Variants in SLC5A10 observed in about 807,000 individuals in gnomAD.
SLC5A10 encodes the protein solute carrier family 5 member 10, also known as sodium/mannose cotransporter SLC5A10.
SLC5A10 carries 55 observed loss-of-function variants against 68.9 expected under a neutral mutation model. That is an observed-to-expected ratio of 0.80 (90% CI 0.64 to 1.00). The LOEUF (loss-of-function observed/expected upper bound fraction) is 1.00, where lower values mean the gene tolerates loss of function less well. Among genes scored for constraint, SLC5A10 ranks in the 50% least tolerant of loss-of-function variants. The pLI is 0.00. For missense variants in SLC5A10, 732 were observed against 819.3 expected, an observed-to-expected ratio of 0.89 and a Z score of 1.30; for synonymous variants, 344 against 344.8, an observed-to-expected ratio of 1.00 and a Z score of 0.02.
intron 1 of SLC5A10, among the ~76,000 whole-genome samples, chr17:18,956,443 CTGTTT>C (rs1237294961): frequency 7.4e-6 from 1 of 134,388 alleles, no homozygotes; most frequent in Non-Finnish European, 1.6e-5. Context: ...TCAAATTCTT[CTGTTT>C]TTTCTTTTTT....
At chr17:18,966,266 TG>T (rs1326127568) in intron 5 of SLC5A10, among the ~76,000 whole-genome samples, 1 of 152,102 alleles carries the variant, frequency 6.6e-6, no homozygotes, top group Non-Finnish European at 1.5e-5. Flanking sequence ...GCTGCTGAGC[TG>T]GGGGTGGACC....
At chr17:18,999,490 C>T (rs1160946081) in intron 9 of SLC5A10, among the ~76,000 whole-genome samples, 1 of 152,122 alleles carries the variant, frequency 6.6e-6, no homozygotes, top group Non-Finnish European at 1.5e-5. Context: ...AGTTATTTGC[C>T]ATCTCCGAGC....
rs187116335 is a variant in SLC5A10 at position 18,971,695 on chromosome 17, G to T, written c.846+477G>T. ...GGTACCTAGGGGGTCCTGGGAAGCCGTCTTTATCCCTAGTCCCTGAGGCAG... is the reference window on the plus strand; with the variant it reads ...GGTACCTAGGGGGTCCTGGGAAGCCTTCTTTATCCCTAGTCCCTGAGGCAG... On this transcript the variant is annotated intron_variant, in intron 8 of 14. Transcript: ENST00000395645. The surrounding 1 kb of genome is among the most constrained non-coding windows in gnomAD (Gnocchi z 5.5). 4 of 1,605,468 alleles carry T rather than the reference G, an allele frequency of 2.5e-6. No individual in the cohort carries two copies. The East Asian group carries it at 9.0e-5, about 36-fold the overall frequency.
At position 19,021,613 on chromosome 17, in the gene SLC5A10, A is replaced by G; in HGVS notation, c.*1182A>G. 1 of 390,002 alleles carries G rather than the reference A, an allele frequency of 2.6e-6. No individual in the cohort carries two copies. The highest frequency in any genetic ancestry group is 4.5e-6 in the Non-Finnish European group (1 of 220,966). The allele number at this position is 390,002 out of a possible 1,614,324, so 24.2% of individuals were successfully genotyped here. A position where few individuals can be genotyped will look rare whatever the true frequency, so the allele number is the denominator to read the frequency against. Reference sequence around the variant, plus strand: ...CCAGGGTTCCTTAGGTTGAGCCTCCAGTGGGTGAAACCTGGGAGTCCTCAA... The same window carrying G: ...CCAGGGTTCCTTAGGTTGAGCCTCCGGTGGGTGAAACCTGGGAGTCCTCAA... On this transcript the variant is annotated 3_prime_UTR_variant, in exon 15 of 15. Transcript: ENST00000395645. The surrounding 1 kb of genome is among the most constrained non-coding windows in gnomAD (Gnocchi z 4.1).
chr17:18,958,890 G>C, intron 2 of SLC5A10, 137 bp downstream of exon 2: 1 of 1,025,030 alleles, frequency 9.8e-7, no homozygotes, highest in South Asian at 1.5e-5. Context: ...AGGTCCCCAA[G>C]TGAGGGGCAT....
At chr17:18,959,792 C>T (rs2074276) in intron 4 of SLC5A10, 129 bp downstream of exon 4, 329,106 of 748,540 alleles carry the variant, frequency 0.44, 73,348 homozygotes, top group East Asian at 0.51. Flanking sequence ...TTGCTATTAG[C>T]CCGACTAATA....
chr17:18,995,785 A>G (rs959469794), intron 9 of SLC5A10, among the ~76,000 whole-genome samples: 1 of 152,054 alleles, frequency 6.6e-6, no homozygotes, highest in Admixed American at 6.5e-5. Context: ...GCATGTGCCT[A>G]TAATCCCAGC....
chr17:19,014,467 G>A (rs1021725772), intron 10 of SLC5A10, among the ~76,000 whole-genome samples: 4 of 152,196 alleles, frequency 2.6e-5, no homozygotes, highest in African/African-American at 7.2e-5. Context: ...GTCCTGCCAT[G>A]CACAGGAAGT....
Position 19,019,848 on chromosome 17 carries a change from T to A in SLC5A10, c.1546T>A (p.Phe516Ile). 1 of 1,613,650 alleles carries A rather than the reference T, an allele frequency of 6.2e-7. No individual in the cohort carries two copies. Among genetic ancestry groups the A allele is most frequent in the Non-Finnish European group, 8.5e-7 (1 of 1,179,954 alleles). Residue 516 changes from phenylalanine to isoleucine, a missense_variant, in exon 13 of 15, where the codon TTC (phenylalanine) becomes ATC (isoleucine). Physicochemically the swap from Phe to Ile is conservative, Grantham distance 21. Coordinates refer to ENST00000395645, the MANE Select transcript of SLC5A10 (RefSeq NM_001042450.4). The part of the protein sequence containing the change: ...AVLGSIHYLH[F>I]AVALFALSGA... ...CCTGGGGAGCATCCACTACCTGCAC[T>A]TCGCTGTCGCCCTCTTTGCACTCAG...
rs1421044730 is a variant in SLC5A10, at chr17:19,003,810, A to G, written c.983-9600A>G. The G allele has an allele frequency of 6.2e-7, 1 of 1,612,676 alleles. No homozygotes were observed. Among genetic ancestry groups the G allele is most frequent in the Non-Finnish European group, 8.5e-7 (1 of 1,179,852 alleles). On this transcript the variant is annotated intron_variant, in intron 9 of 14. Coordinates refer to ENST00000395645, the MANE Select transcript of SLC5A10 (RefSeq NM_001042450.4). The surrounding 1 kb of genome is among the most constrained non-coding windows in gnomAD (Gnocchi z 4.5). ...GGGCCCGTGCCCCGAGGGTCCTCAG[A>G]GCCCGGGTCGTACACCTCGATGGTC...
chr17:18,977,442 T>A, intron 9 of SLC5A10: 1 of 840,160 alleles, frequency 1.2e-6, no homozygotes, highest in Non-Finnish European at 1.8e-6. Context: ...CCCTGCCTGT[T>A]CATCAAGTTT....
At chr17:18,980,137 C>T (rs575136335) in intron 9 of SLC5A10, among the ~76,000 whole-genome samples, 41 of 152,250 alleles carry the variant, frequency 2.7e-4, no homozygotes, top group African/African-American at 9.4e-4. Context: ...CCTGCAGAAT[C>T]TGTGCCTTAT....
Position 18,959,666 on chromosome 17 carries a change from G to A in SLC5A10, c.348+3G>A. 6.2e-7 allele frequency: 1 copy of A among 1,613,988 alleles called. No homozygotes were observed. The highest frequency in any genetic ancestry group is 8.5e-7 in the Non-Finnish European group (1 of 1,179,984). On this transcript the variant is annotated splice_donor_region_variant and intron_variant, in intron 4 of 14. Transcript: ENST00000395645. ...TGCCCATCTACATCTCCTCAGAGGT[G>A]AGTCTACTCATGGGGCCTCCAGCTG... is the stretch of plus-strand genomic sequence containing the variant.
At chr17:18,953,768 A>G (rs151110921) in intron 1 of SLC5A10, 2 of 152,802 alleles carry the variant, frequency 1.3e-5, no homozygotes, top group African/African-American at 4.8e-5. Context: ...CACCAACATG[A>G]TGCTCAAAGC....
Position 19,003,800 on chromosome 17 carries a change from G to T in SLC5A10, c.983-9610G>T. On this transcript the variant is annotated intron_variant, in intron 9 of 14. Transcript: ENST00000395645. This position sits in a 1 kb window ranked among gnomAD's most constrained non-coding sequence, Gnocchi z 4.5. Reference sequence around the variant, plus strand: ...CCCCTGAGAGGGGCCCGTGCCCCGAGGGTCCTCAGAGCCCGGGTCGTACAC... The same window carrying T: ...CCCCTGAGAGGGGCCCGTGCCCCGATGGTCCTCAGAGCCCGGGTCGTACAC... 1 of 1,612,590 alleles carries T rather than the reference G, an allele frequency of 6.2e-7. No homozygotes were observed. The highest frequency in any genetic ancestry group is 8.5e-7 in the Non-Finnish European group (1 of 1,179,744).
chr17:19,013,024 C>T (rs2044049400), intron 9 of SLC5A10, among the ~76,000 whole-genome samples: 1 of 152,192 alleles, frequency 6.6e-6, no homozygotes, highest in Non-Finnish European at 1.5e-5. Flanking sequence ...GGGGCAGGGC[C>T]CATCCTGCAG....
At position 19,021,950 on chromosome 17, in the gene SLC5A10, C is replaced by A; in HGVS notation, c.*1519C>A. The stretch of plus-strand genomic sequence containing the variant: ...AAAGGCCCGTTGGCCAGATCGGCCG[C>A]CGGGCTGCTCACAGGTGCACGGGCT... On this transcript the variant is annotated 3_prime_UTR_variant, in exon 15 of 15. Transcript: ENST00000395645. The surrounding 1 kb of genome is among the most constrained non-coding windows in gnomAD (Gnocchi z 4.1). 1 of 1,507,730 alleles carries A rather than the reference C, an allele frequency of 6.6e-7. No homozygotes were observed. Among genetic ancestry groups the A allele is most frequent in the African/African-American group, 1.4e-5 (1 of 71,008 alleles). 93.4% of individuals were successfully genotyped at this position (1,507,730 alleles called of 1,614,324 possible).
rs1464666808 is a variant in SLC5A10, at chr17:18,976,889, G to A, written c.882G>A (p.Leu294=). Residue 294 remains leucine, a synonymous_variant, in exon 9 of 15, where the codon CTG becomes CTA. Coordinates refer to ENST00000395645, the MANE Select transcript of SLC5A10 (RefSeq NM_001042450.4). The part of the protein sequence containing the change: ...IVQRSLSARD[L]NHAKAGSILA... ...AGCGATCACTGTCAGCCCGGGACCTGAACCATGCCAAGGCGGGCTCCATCC... is the reference window on the plus strand; with the variant it reads ...AGCGATCACTGTCAGCCCGGGACCTAAACCATGCCAAGGCGGGCTCCATCC... 1.2e-6 allele frequency: 2 copies of A among 1,613,582 alleles called. No homozygotes were observed. The highest frequency in any genetic ancestry group is 1.7e-6 in the Non-Finnish European group (2 of 1,180,008).
In SLC5A10 at chr17:18,971,074, C is replaced by T; in HGVS notation, c.702C>T (p.Ser234=). 3 of 1,614,128 alleles carry T rather than the reference C, an allele frequency of 1.9e-6. No homozygotes were observed. Among genetic ancestry groups the T allele is most frequent in the South Asian group, 2.2e-5 (2 of 91,088 alleles). The change falls in exon 8 of 15, where the codon TCC becomes TCT. Residue 234 remains serine, a synonymous_variant. Coordinates refer to ENST00000395645, the MANE Select transcript of SLC5A10 (RefSeq NM_001042450.4). The surrounding 1 kb of genome is among the most constrained non-coding windows in gnomAD (Gnocchi z 5.5). ...CAGCCTACGCCCAGGCCATTCCCTC[C>T]AGGACCATTGCCAACACCACCTGCC... is the stretch of plus-strand genomic sequence containing the variant. ...LEAAYAQAIP[S]RTIANTTCHL...
Sources: allele counts gnomAD v4.1 joint callset (sites outside exome capture counted in the v4.1 genomes callset), GRCh38; gene constraint gnomAD v4.1.1; non-coding constraint Gnocchi (gnomAD v3.1); transcripts MANE v1.5; gene names NCBI Gene and HGNC (gene_info 2026-07-23, HGNC 2026-07-21).